RABGAP1L: variants seen among roughly 807,000 people sequenced by gnomAD.
The protein encoded by RABGAP1L is rab GTPase-activating protein 1-like.
Under a neutral mutation model 137.7 loss-of-function variants are expected in RABGAP1L, and 63 were observed. The observed-to-expected ratio is 0.46, with a 90% confidence interval of 0.37 to 0.56. The LOEUF is 0.56. Ranked by LOEUF, RABGAP1L falls within the 20% of genes least tolerant of loss-of-function variation. The probability of loss-of-function intolerance (pLI) is 0.00; values close to 1 mark genes in which losing one functional copy is unlikely to be tolerated. For missense variants in RABGAP1L, 1,095 were observed against 1,244.0 expected, an observed-to-expected ratio of 0.88 and a Z score of 1.80; for synonymous variants, 431 against 433.7, an observed-to-expected ratio of 0.99 and a Z score of 0.08.
chr1:174,900,278 C>T (rs926296525), intron 19 of RABGAP1L, among the ~76,000 whole-genome samples: 7 of 152,282 alleles, frequency 4.6e-5, no homozygotes, highest in East Asian at 1.9e-4. Context: ...AGTGTGGGAG[C>T]GGGCCTGATC....
At position 174,988,793 on chromosome 1, in the gene RABGAP1L, G is replaced by A. The variant is rs1319271337; in HGVS notation, c.2958G>A (p.Leu986=). Residue 986 remains leucine, a synonymous_variant, in exon 25 of 26, where the codon CTG becomes CTA. Coordinates refer to ENST00000681986, the MANE Select transcript of RABGAP1L (RefSeq NM_001366446.1). ...AGCTGAGAGAGATGGAACTGGAACT[G>A]GCACAAACCAAACTGCAGTTGGTGG... ...KKQLREMELE[L]AQTKLQLVEA... The A allele has an allele frequency of 6.5e-7, 1 of 1,546,580 alleles. No individual in the cohort carries two copies. Among genetic ancestry groups the A allele is most frequent in the East Asian group, 2.5e-5 (1 of 40,744 alleles).
intron 18 of RABGAP1L, among the ~76,000 whole-genome samples, chr1:174,770,219 C>G (rs992000886): frequency 2.9e-4 from 44 of 152,088 alleles, no homozygotes; most frequent in Non-Finnish European, 5.0e-4. Flanking sequence ...TTGTTTTTAA[C>G]TTTCTCTAGT....
intron 18 of RABGAP1L, among the ~76,000 whole-genome samples, chr1:174,792,805 AG>A (rs546377111): frequency 1.5e-4 from 23 of 152,244 alleles, no homozygotes; most frequent in Non-Finnish European, 2.8e-4. Context: ...TAATAAGATA[AG>A]CAGCCTATTG....
At chr1:174,926,251 T>C (rs1337161448) in intron 19 of RABGAP1L, among the ~76,000 whole-genome samples, 1 of 152,172 alleles carries the variant, frequency 6.6e-6, no homozygotes. Context: ...TATTATTGTT[T>C]CACTATTCTT....
intron 13 of RABGAP1L, among the ~76,000 whole-genome samples, chr1:174,440,109 A>G (rs1241380792): frequency 6.6e-6 from 1 of 152,150 alleles, no homozygotes; most frequent in African/African-American, 2.4e-5. Flanking sequence ...CATAGCAAAT[A>G]TATTTGTGAC....
At chr1:174,838,000 T>G (rs1226709882) in intron 19 of RABGAP1L, among the ~76,000 whole-genome samples, 1 of 152,216 alleles carries the variant, frequency 6.6e-6, no homozygotes, top group East Asian at 1.9e-4. Context: ...AGTAGATATA[T>G]TAATCCCTTT....
At chr1:174,266,195 G>A (rs149414046) in intron 7 of RABGAP1L, among the ~76,000 whole-genome samples, 64 of 152,248 alleles carry the variant, frequency 4.2e-4, no homozygotes, top group African/African-American at 1.5e-3. Context: ...TTTGCAATTT[G>A]TAAATTGTGA....
chr1:174,510,077 C>G (rs1011649974), intron 13 of RABGAP1L, among the ~76,000 whole-genome samples: 28 of 152,272 alleles, frequency 1.8e-4, no homozygotes, highest in African/African-American at 6.5e-4. Flanking sequence ...ACTGGTAATG[C>G]CATTACTCTA....
At chr1:174,610,267 C>G (rs1671108488) in intron 13 of RABGAP1L, among the ~76,000 whole-genome samples, 1 of 140,190 alleles carries the variant, frequency 7.1e-6, no homozygotes, top group East Asian at 2.2e-4. Context: ...CATGTGTTCT[C>G]ATAGTTCAAT....
chr1:174,583,281 A>T (rs1274266871), intron 13 of RABGAP1L, among the ~76,000 whole-genome samples: 1 of 152,126 alleles, frequency 6.6e-6, no homozygotes, highest in African/African-American at 2.4e-5. Context: ...TCTTTTACAG[A>T]TCTCTCATGA....
intron 5 of RABGAP1L, among the ~76,000 whole-genome samples, chr1:174,248,604 A>G (rs762709040): frequency 6.6e-5 from 10 of 152,166 alleles, no homozygotes; most frequent in Non-Finnish European, 1.5e-4. Flanking sequence ...ACTTTAGGGT[A>G]ATCATTGGTT....
chr1:174,786,353 T>C (rs1687445764), intron 18 of RABGAP1L, among the ~76,000 whole-genome samples: 2 of 152,258 alleles, frequency 1.3e-5, no homozygotes, highest in Non-Finnish European at 2.9e-5. Flanking sequence ...TAGCCAACTA[T>C]GTTACTACTT....
At chr1:174,674,735 C>G (rs1183394529) in intron 14 of RABGAP1L, among the ~76,000 whole-genome samples, 11 of 151,918 alleles carry the variant, frequency 7.2e-5, no homozygotes, top group Admixed American at 7.2e-4. Context: ...TTCTCCACAT[C>G]CTCTCCAGCA....
At chr1:174,639,959 A>G (rs561264103) in intron 14 of RABGAP1L, among the ~76,000 whole-genome samples, 2 of 152,196 alleles carry the variant, frequency 1.3e-5, no homozygotes, top group Non-Finnish European at 2.9e-5. Flanking sequence ...CTGAATGAAG[A>G]ATATTGTAAA....
intron 14 of RABGAP1L, among the ~76,000 whole-genome samples, chr1:174,673,163 A>T (rs1677314471): frequency 1.3e-5 from 2 of 152,174 alleles, no homozygotes; most frequent in African/African-American, 4.8e-5. Context: ...GCAATCAAAT[A>T]TAACTATATA....
At chr1:174,601,249 G>A (rs545993270) in intron 13 of RABGAP1L, among the ~76,000 whole-genome samples, 4 of 152,334 alleles carry the variant, frequency 2.6e-5, no homozygotes, top group Admixed American at 2.6e-4. Context: ...TTCCTCCGGG[G>A]CCTCCAGGCC....
intron 11 of RABGAP1L, among the ~76,000 whole-genome samples, chr1:174,319,187 G>C (rs1462506677): frequency 2.0e-5 from 3 of 152,000 alleles, no homozygotes; most frequent in African/African-American, 7.2e-5. Context: ...TTGTAAGACA[G>C]ATCTGGTGAC....
At chr1:174,885,391 C>G (rs1055827554) in intron 19 of RABGAP1L, among the ~76,000 whole-genome samples, 1 of 152,136 alleles carries the variant, frequency 6.6e-6, no homozygotes, top group African/African-American at 2.4e-5. Context: ...CAAATTGATT[C>G]TTTTATTATT....
intron 11 of RABGAP1L, among the ~76,000 whole-genome samples, chr1:174,348,955 T>C: frequency 6.6e-6 from 1 of 152,164 alleles, no homozygotes; most frequent in East Asian, 1.9e-4. Context: ...TCCTGGCCCG[T>C]TCTCAATGAG....
Sources: gnomAD v4.1 joint callset for allele counts (sites outside exome capture counted in the v4.1 genomes callset) on GRCh38, gnomAD v4.1.1 for gene constraint, MANE v1.5 for transcripts, NCBI Gene and HGNC (gene_info 2026-07-23, HGNC 2026-07-21) for gene names.